TBC1D15: variants seen among roughly 807,000 people sequenced by gnomAD.
The protein encoded by TBC1D15 is TBC1 domain family member 15.
TBC1D15 carries 39 observed loss-of-function variants against 95.4 expected under a neutral mutation model. The observed-to-expected ratio is 0.41, with a 90% CI of 0.32 to 0.53. The LOEUF (loss-of-function observed/expected upper bound fraction) is 0.53. Ranked by LOEUF, TBC1D15 falls within the 20% of genes least tolerant of loss-of-function variation. The pLI, the probability that TBC1D15 is intolerant of heterozygous loss-of-function variation, is 0.29. For missense variants in TBC1D15, 733 were observed against 794.3 expected (o/e 0.92, Z 0.93); for synonymous variants, 258 against 261.3 (o/e 0.99, Z 0.12).
At chr12:71,846,258 A>G (rs1034802987) in intron 1 of TBC1D15, among the ~76,000 whole-genome samples, 6 of 152,360 alleles carry the variant, frequency 3.9e-5, no homozygotes, top group Admixed American at 3.9e-4. Context: ...GAAGTTTTAT[A>G]AATGTACTTA....
At chr12:71,915,040 A>G (rs926578002) in intron 12 of TBC1D15, among the ~76,000 whole-genome samples, 3 of 152,000 alleles carry the variant, frequency 2.0e-5, no homozygotes. Flanking sequence ...GAATATTCAA[A>G]TTGGTTTTTT....
At chr12:71,872,842 G>A (rs1278142452) in intron 2 of TBC1D15, 87 bp from the exon 3 acceptor site, 1 of 926,158 alleles carries the variant, frequency 1.1e-6, no homozygotes, top group East Asian at 2.5e-5. Context: ...TTAAGAGGCT[G>A]AAATTTTATT....
At chr12:71,918,254 T>G (rs1904172611) in intron 13 of TBC1D15, among the ~76,000 whole-genome samples, 197 bp from the exon 14 acceptor site, 1 of 152,258 alleles carries the variant, frequency 6.6e-6, no homozygotes, top group African/African-American at 2.4e-5. Flanking sequence ...GCCTTAAACT[T>G]GATTCGTAAA....
At chr12:71,852,207 C>T (rs1888004252) in intron 1 of TBC1D15, among the ~76,000 whole-genome samples, 1 of 152,342 alleles carries the variant, frequency 6.6e-6, no homozygotes, top group African/African-American at 2.4e-5. Context: ...TGAGCTTTAC[C>T]TGGGCCCTTT....
intron 1 of TBC1D15, among the ~76,000 whole-genome samples, chr12:71,857,153 C>T (rs1269816714): frequency 6.6e-6 from 1 of 151,852 alleles, no homozygotes; most frequent in Non-Finnish European, 1.5e-5. Context: ...TCTTGCTTTA[C>T]TGCCCAGGAT....
rs1387040005 is a variant in TBC1D15 at position 71,880,464 on chromosome 12, T to C, written c.205-5T>C. On this transcript the variant is annotated splice_region_variant and splice_polypyrimidine_tract_variant and intron_variant, in intron 3 of 16. Coordinates refer to ENST00000485960, the MANE Select transcript of TBC1D15 (RefSeq NM_001146213.3). ...TAAATATTTTATATGTTATAATTAT[T>C]TTAGGACTCCAGTTCAGTTGTAGAA... 3.2e-6 allele frequency: 5 copies of C among 1,556,228 alleles called. No homozygotes were observed. Among genetic ancestry groups the C allele is most frequent in the South Asian group, 1.2e-5 (1 of 84,178 alleles).
At chr12:71,906,156 A>AGC (rs1433286139) in intron 10 of TBC1D15, among the ~76,000 whole-genome samples, 1 of 152,208 alleles carries the variant, frequency 6.6e-6, no homozygotes, top group Admixed American at 6.5e-5. Context: ...TACAGGTGTG[A>AGC]GCCACCACAC....
At chr12:71,853,237 TA>T (rs1185844656) in intron 1 of TBC1D15, among the ~76,000 whole-genome samples, 1 of 152,140 alleles carries the variant, frequency 6.6e-6, no homozygotes, top group Non-Finnish European at 1.5e-5. Context: ...CACATACTTT[TA>T]AACAAAATCA....
chr12:71,883,998 G>A (rs61089876), intron 4 of TBC1D15, among the ~76,000 whole-genome samples: 4,193 of 152,134 alleles, frequency 0.028, 195 homozygotes, highest in African/African-American at 0.094. Flanking sequence ...AGAACATGCC[G>A]TATTTTACAT....
intron 11 of TBC1D15, among the ~76,000 whole-genome samples, chr12:71,911,183 A>G (rs1308853590): frequency 6.6e-6 from 1 of 152,130 alleles, no homozygotes; most frequent in East Asian, 1.9e-4. Context: ...TGGGACTGTA[A>G]ACTAGTTCAA....
intron 1 of TBC1D15, among the ~76,000 whole-genome samples, chr12:71,863,728 T>TC (rs1054574743): frequency 3.3e-5 from 5 of 152,180 alleles, no homozygotes; most frequent in East Asian, 1.9e-4. Context: ...CTCTTTTTTT[T>TC]CCCCTCACTG....
Position 71,923,253 on chromosome 12 carries a change from T to G in TBC1D15, c.*49T>G. On this transcript the variant is annotated 3_prime_UTR_variant, in exon 17 of 17. Transcript: ENST00000485960. Reference sequence around the variant, plus strand: ...AGAGACACTTTGTTGCAACCCTTTTTCAAGTACTTGAAAGTTGAAAATTTG... The same window carrying G: ...AGAGACACTTTGTTGCAACCCTTTTGCAAGTACTTGAAAGTTGAAAATTTG... 3 of 1,582,686 alleles carry G rather than the reference T, an allele frequency of 1.9e-6. No homozygotes were observed. The highest frequency in any genetic ancestry group is 2.6e-6 in the Non-Finnish European group (3 of 1,155,246).
chr12:71,842,934 A>G (rs551981199), intron 1 of TBC1D15, among the ~76,000 whole-genome samples: 2 of 152,062 alleles, frequency 1.3e-5, no homozygotes, highest in Admixed American at 6.6e-5. Context: ...GTAAAATCCT[A>G]TTGTAGTACA....
chr12:71,893,379 T>C (rs10467177), intron 6 of TBC1D15, 55 bp downstream of exon 6: 333,006 of 1,239,602 alleles, frequency 0.27, 49,842 homozygotes, highest in African/African-American at 0.57. Flanking sequence ...TTATATACCC[T>C]GTACTTCTCA....
chr12:71,892,446 T>C (rs1164125404), intron 5 of TBC1D15, among the ~76,000 whole-genome samples: 2 of 151,986 alleles, frequency 1.3e-5, no homozygotes, highest in East Asian at 1.9e-4. Context: ...TTTGTAGATT[T>C]ATTAGAACTG....
chr12:71,902,440 C>T (rs1379855155), intron 10 of TBC1D15, among the ~76,000 whole-genome samples: 1 of 152,174 alleles, frequency 6.6e-6, no homozygotes, highest in Non-Finnish European at 1.5e-5. Context: ...CTACAGCCAT[C>T]TGATCTTCGA....
chr12:71,906,984 TGGAAGC>T (rs1246917041), intron 10 of TBC1D15, 32 bp from the exon 11 acceptor site: 1 of 1,365,636 alleles, frequency 7.3e-7, no homozygotes, highest in Admixed American at 2.0e-5. Context: ...ATCTGTTTTT[TGGAAGC>T]TTTTCAAATA....
In TBC1D15 at chr12:71,896,578, C is replaced by G; in HGVS notation, c.985-99C>G. 3.3e-6 allele frequency: 3 copies of G among 920,216 alleles called. No homozygotes were observed. The South Asian group carries it at 5.0e-5, about 15-fold the overall frequency. 57.0% of individuals were successfully genotyped at this position (920,216 alleles called of 1,614,324 possible). ...TGAACTATTTACATATATGAAACTACCTCTTAAAGATTAGTTTTCCTTTTT... is the reference window on the plus strand; with the variant it reads ...TGAACTATTTACATATATGAAACTAGCTCTTAAAGATTAGTTTTCCTTTTT... On this transcript the variant is annotated intron_variant, in intron 8 of 16. Transcript: ENST00000485960.
intron 3 of TBC1D15, among the ~76,000 whole-genome samples, 178 bp from the exon 4 acceptor site, chr12:71,880,291 C>CTTTT (rs534954705): frequency 7.3e-6 from 1 of 136,584 alleles, no homozygotes; most frequent in Non-Finnish European, 1.6e-5. Context: ...GCTTCTCTTC[C>CTTTT]TTTTTTTTTT....
Sources: gnomAD v4.1 joint callset for allele counts (sites outside exome capture counted in the v4.1 genomes callset) on GRCh38, gnomAD v4.1.1 for gene constraint, MANE v1.5 for transcripts, NCBI Gene and HGNC (gene_info 2026-07-23, HGNC 2026-07-21) for gene names.